COX18: variants seen among roughly 807,000 people sequenced by gnomAD.
COX18 encodes the protein cytochrome c oxidase assembly factor COX18, also known as cytochrome c oxidase assembly protein COX18, mitochondrial.
COX18 carries 45 observed loss-of-function variants against 38.0 expected under a neutral mutation model. The observed-to-expected ratio is 1.18, with a 90% CI of 0.93 to 1.52. COX18 has a LOEUF of 1.52. Among genes scored for constraint, COX18 ranks in the 40% most tolerant of loss-of-function variants. COX18 has a pLI of 0.00. For synonymous variants in COX18, 177 were observed against 169.8 expected, an observed-to-expected ratio of 1.04 and a Z score of -0.33; for missense variants, 462 against 423.8, an observed-to-expected ratio of 1.09 and a Z score of -0.79.
At position 73,054,701 on chromosome 4, in the gene COX18, T is replaced by C. The variant is rs1719826181; in HGVS notation, c.*3413A>G. 6.6e-6 allele frequency: 1 copy of C among 152,206 alleles called. No homozygotes were observed. The highest frequency in any genetic ancestry group is 1.5e-5 in the Non-Finnish European group (1 of 68,040). 9.4% of individuals were successfully genotyped at this position (152,206 alleles called of 1,614,324 possible). A position where few individuals can be genotyped will look rare whatever the true frequency, so the allele number is the denominator to read the frequency against. On this transcript the variant is annotated 3_prime_UTR_variant, in exon 6 of 6. Transcript: ENST00000507544. Reference sequence around the variant, plus strand: ...GGGACTCACAGTAAACAAGGTAAATTATGCACATGAAAGAAGATTCATTTA... The same window carrying C: ...GGGACTCACAGTAAACAAGGTAAATCATGCACATGAAAGAAGATTCATTTA...
rs529936861 is a variant in COX18 at position 73,053,305 on chromosome 4, G to C, written c.*4809C>G. On this transcript the variant is annotated 3_prime_UTR_variant, in exon 6 of 6. Coordinates refer to ENST00000507544, the MANE Select transcript of COX18 (RefSeq NM_001297732.2). ...TAAACGAACAGAATGTAGAGGAGGA[G>C]TCAGCCCATAAAAGGGAAGAAAGTT... is the stretch of plus-strand genomic sequence containing the variant. 1 of 152,314 alleles carries C rather than the reference G, an allele frequency of 6.6e-6. No individual in the cohort carries two copies. Among genetic ancestry groups the C allele is most frequent in the African/African-American group, 2.4e-5 (1 of 41,556 alleles). 9.4% of individuals were successfully genotyped at this position (152,314 alleles called of 1,614,324 possible).
At chr4:73,059,522 T>C (rs553247737) in intron 5 of COX18, among the ~76,000 whole-genome samples, 16 of 152,264 alleles carry the variant, frequency 1.1e-4, no homozygotes, top group African/African-American at 2.4e-4. Flanking sequence ...TCCTCAAAGG[T>C]AGATTAGCAC....
At chr4:73,064,586 C>T (rs971907533) in intron 4 of COX18, among the ~76,000 whole-genome samples, 192 bp downstream of exon 4, 9 of 152,154 alleles carry the variant, frequency 5.9e-5, no homozygotes, top group Admixed American at 5.9e-4. Flanking sequence ...ACTTTAATTT[C>T]GAGAGTTCTG....
chr4:73,058,250 C>A lies in COX18; in HGVS notation c.869G>T (p.Gly290Val). 1 of 1,613,604 alleles carries A rather than the reference C, an allele frequency of 6.2e-7. No homozygotes were observed. Among genetic ancestry groups the A allele is most frequent in the Non-Finnish European group, 8.5e-7 (1 of 1,179,802 alleles). Reference sequence around the variant, plus strand: ...ACGCAGCAGCAAATTCTGTGAAAGGCCCACGAAGCTGGAGCATAACCAGTA... The same window carrying A: ...ACGCAGCAGCAAATTCTGTGAAAGGACCACGAAGCTGGAGCATAACCAGTA... ...VLYWLCSSFV[G>V]LSQNLLLRSP... Residue 290 changes from glycine to valine, a missense_variant, in exon 6 of 6, where the codon GGC (glycine) becomes GTC (valine). Transcript: ENST00000507544.
rs1719806735 is a variant in COX18, at chr4:73,053,878, T to C, written c.*4236A>G. 1 of 152,256 alleles carries C rather than the reference T, an allele frequency of 6.6e-6. No homozygotes were observed. The allele number at this position is 152,256 out of a possible 1,614,324, so 9.4% of individuals were successfully genotyped here. On this transcript the variant is annotated 3_prime_UTR_variant, in exon 6 of 6. Coordinates refer to ENST00000507544, the MANE Select transcript of COX18 (RefSeq NM_001297732.2). ...CCCAGGGAAAAGTAATTTGGGATCA[T>C]TTCAGATACGCCAATTCTATCTATT...
intron 4 of COX18, among the ~76,000 whole-genome samples, chr4:73,064,336 T>A (rs933334388): frequency 4.6e-5 from 7 of 152,148 alleles, no homozygotes; most frequent in Admixed American, 3.9e-4. Flanking sequence ...TATAAAGACA[T>A]TCAATGACTT....
In COX18 at chr4:73,061,912, A is replaced by G. The variant is rs921077341; in HGVS notation, c.732T>C (p.Ala244=). 12 of 1,587,134 alleles carry G rather than the reference A, an allele frequency of 7.6e-6. No homozygotes were observed. The African/African-American group carries it at 1.2e-4, about 16-fold the overall frequency. ...AACGAGACATTCCAATTTTTTGTAG[A>G]GCACAAATCTGAAGGGGTAGAACAT... The part of the protein sequence containing the change: ...VINLLIVEIC[A]LQKIGMSRFQ... The change falls in exon 5 of 6, where the codon GCT becomes GCC. Residue 244 remains alanine, a synonymous_variant. Coordinates refer to ENST00000507544, the MANE Select transcript of COX18 (RefSeq NM_001297732.2).
chr4:73,068,680 A>G (rs1334008893), intron 1 of COX18: 1 of 153,218 alleles, frequency 6.5e-6, no homozygotes, highest in Non-Finnish European at 1.5e-5. Context: ...GAAAGCCACT[A>G]TTTTTGAAAT....
At chr4:73,058,887 G>C (rs1720019299) in intron 5 of COX18, among the ~76,000 whole-genome samples, 1 of 152,182 alleles carries the variant, frequency 6.6e-6, no homozygotes, top group Non-Finnish European at 1.5e-5. Flanking sequence ...ACAGGAGGAA[G>C]ATTTTGGGAT....
upstream of COX18, chr4:73,069,718 C>A (rs972317608): frequency 4.9e-6 from 7 of 1,430,176 alleles, no homozygotes; most frequent in Non-Finnish European, 6.6e-6. Flanking sequence ...CCAGCCAAGG[C>A]TGATACGCGC....
In COX18 at chr4:73,069,713, C is replaced by G. The variant is rs761376122; in HGVS notation, c.-64G>C. ...ATCCAGCGGACATACACCGGCCAGC[C>G]AAGGCTGATACGCGCACGCGCCAGC... On this transcript the variant is annotated 5_prime_UTR_variant, in exon 1 of 6. Transcript: ENST00000507544. 1.1e-4 allele frequency: 163 copies of G among 1,470,114 alleles called. No individual in the cohort carries two copies. Among genetic ancestry groups the G allele is most frequent in the Middle Eastern group, 6.8e-4 (4 of 5,884 alleles). 91.1% of individuals were successfully genotyped at this position (1,470,114 alleles called of 1,614,324 possible). A position where few individuals can be genotyped will look rare whatever the true frequency, so the allele number is the denominator to read the frequency against.
upstream of COX18, chr4:73,069,743 G>A (rs1720688527): frequency 1.6e-6 from 2 of 1,265,134 alleles, no homozygotes; most frequent in African/African-American, 1.5e-5. Context: ...GCCAGCAACA[G>A]CGGGCATAAA....
intron 1 of COX18, 151 bp from the exon 2 acceptor site, chr4:73,068,280 G>A (rs964453486): frequency 2.1e-5 from 12 of 558,370 alleles, no homozygotes. Flanking sequence ...ATGTTAATTT[G>A]CTTAAAATGT....
chr4:73,068,273 T>C (rs1720572768), intron 1 of COX18, 144 bp from the exon 2 acceptor site: 4 of 568,098 alleles, frequency 7.0e-6, no homozygotes, highest in Non-Finnish European at 1.2e-5. Context: ...GCACAAGATG[T>C]TAATTTGCTT....
chr4:73,069,400 C>G lies in COX18; in HGVS notation c.250G>C (p.Gly84Arg), dbSNP rs761953319. The G allele has an allele frequency of 6.4e-7, 1 of 1,566,848 alleles. No homozygotes were observed. The change falls in exon 1 of 6, where the codon GGC becomes CGC. Residue 84 changes from glycine (G) to arginine (R), a missense_variant. Transcript: ENST00000507544. Reference sequence around the variant, plus strand: ...GCCACGGTGGAGAGCAGAATGCTGCCCCACCAGGGCAGGCCCGTGGCGGCG... The same window carrying G: ...GCCACGGTGGAGAGCAGAATGCTGCGCCACCAGGGCAGGCCCGTGGCGGCG... ...VHAATGLPWW[G>R]SILLSTVALR...
In COX18 at chr4:73,069,204, A is replaced by T. The variant is rs2110063729; in HGVS notation, c.333+113T>A. ...AATGAAATGGTCACGATGATTAAACACTAAGCACTGCAGAAGGCAACATCG... is the reference window on the plus strand; with the variant it reads ...AATGAAATGGTCACGATGATTAAACTCTAAGCACTGCAGAAGGCAACATCG... On this transcript the variant is annotated intron_variant, in intron 1 of 5. Transcript: ENST00000507544. The T allele has an allele frequency of 4.0e-6, 3 of 753,008 alleles. No individual in the cohort carries two copies. In the South Asian group the frequency reaches 5.7e-5, roughly 14 times the overall value. 46.6% of individuals were successfully genotyped at this position (753,008 alleles called of 1,614,324 possible).
At position 73,055,344 on chromosome 4, in the gene COX18, T is replaced by C. The variant is rs1195198844; in HGVS notation, c.*2770A>G. The C allele has an allele frequency of 6.6e-6, 1 of 152,220 alleles. No individual in the cohort carries two copies. Among genetic ancestry groups the C allele is most frequent in the African/African-American group, 2.4e-5 (1 of 41,458 alleles). 9.4% of individuals were successfully genotyped at this position (152,220 alleles called of 1,614,324 possible). A position where few individuals can be genotyped will look rare whatever the true frequency, so the allele number is the denominator to read the frequency against. On this transcript the variant is annotated 3_prime_UTR_variant, in exon 6 of 6. Coordinates refer to ENST00000507544, the MANE Select transcript of COX18 (RefSeq NM_001297732.2). ...ATAAAGTCCACAAACACTGAAGTAG[T>C]GAATACCAAATCACTGCTCCTAGAA...
Position 73,056,834 on chromosome 4 carries a change from A to G in COX18, c.*1280T>C, listed in dbSNP as rs557567154. On this transcript the variant is annotated 3_prime_UTR_variant, in exon 6 of 6. Coordinates refer to ENST00000507544, the MANE Select transcript of COX18 (RefSeq NM_001297732.2). ...CTCCACCTCCAAAATAATAAGAAAC[A>G]TCTCAGCTGGGCACAGTGGCTCACG... 39 of 152,348 alleles carry G rather than the reference A, an allele frequency of 2.6e-4. No individual in the cohort carries two copies. The highest frequency in any genetic ancestry group is 8.7e-4 in the African/African-American group (36 of 41,562). The allele number at this position is 152,348 out of a possible 1,614,324, so 9.4% of individuals were successfully genotyped here.
intron 5 of COX18, 33 bp downstream of exon 5, chr4:73,061,780 C>T: frequency 2.5e-6 from 3 of 1,208,258 alleles, no homozygotes; most frequent in Non-Finnish European, 3.7e-6. Context: ...GAGGATTTAG[C>T]ACATGCTACA....
Sources: gnomAD v4.1 joint callset for allele counts (sites outside exome capture counted in the v4.1 genomes callset) on GRCh38, gnomAD v4.1.1 for gene constraint, MANE v1.5 for transcripts, NCBI Gene and HGNC (gene_info 2026-07-23, HGNC 2026-07-21) for gene names.